The following RALYL variants were observed in gnomAD, a reference collection of about 807,000 sequenced individuals.
RALYL encodes RALY RNA binding protein like.
In RALYL, 29 loss-of-function variants were observed where a neutral mutation model predicts 35.1. The observed-to-expected ratio is 0.83, with a 90% CI of 0.61 to 1.13. The LOEUF (loss-of-function observed/expected upper bound fraction) is 1.13, where lower values mean the gene tolerates loss of function less well. Among genes scored for constraint, RALYL ranks in the 50% most tolerant of loss-of-function variants. RALYL has a pLI of 0.00. For synonymous variants in RALYL, 120 were observed against 127.6 expected (o/e 0.94, Z 0.40); for missense variants, 359 against 360.4 (o/e 1.00, Z 0.03).
intron 2 of RALYL, among the ~76,000 whole-genome samples, chr8:84,729,311 T>C (rs1845648617): frequency 1.3e-5 from 2 of 152,108 alleles, no homozygotes; most frequent in Non-Finnish European, 2.9e-5. Flanking sequence ...TTGTGATTTT[T>C]GTACACTGAT....
At chr8:84,738,140 T>C (rs73300117) in intron 2 of RALYL, among the ~76,000 whole-genome samples, 3,128 of 152,116 alleles carry the variant, frequency 0.021, 121 homozygotes, top group African/African-American at 0.071. Flanking sequence ...CACAGGGCTA[T>C]GGGAGCCAAA....
chr8:84,374,655 GAT>G (rs1352308871), intron 1 of RALYL, among the ~76,000 whole-genome samples: 3 of 151,802 alleles, frequency 2.0e-5, no homozygotes, highest in Non-Finnish European at 2.9e-5. Context: ...GGGACCTAAT[GAT>G]AAGAACTCAT....
chr8:84,616,613 A>C (rs1003795903), intron 2 of RALYL, among the ~76,000 whole-genome samples: 9 of 150,792 alleles, frequency 6.0e-5, no homozygotes, highest in East Asian at 2.0e-4. Flanking sequence ...CCCATTTGTC[A>C]ATTTTGGCTT....
intron 4 of RALYL, among the ~76,000 whole-genome samples, chr8:84,808,096 A>AT (rs1301175177): frequency 6.6e-6 from 1 of 152,016 alleles, no homozygotes; most frequent in African/African-American, 2.4e-5. Flanking sequence ...GTCTAGAAGC[A>AT]TTTTTCCAAT....
intron 2 of RALYL, among the ~76,000 whole-genome samples, chr8:84,723,826 C>T (rs1844441030): frequency 6.6e-6 from 1 of 151,730 alleles, no homozygotes; most frequent in Admixed American, 6.6e-5. Flanking sequence ...TCTATACTCA[C>T]CATTCCCCCA....
intron 1 of RALYL, among the ~76,000 whole-genome samples, chr8:84,408,787 A>G (rs2132128485): frequency 6.6e-6 from 1 of 152,294 alleles, no homozygotes. Context: ...TAGAACAACA[A>G]TGCTATATGT....
chr8:84,859,894 A>T (rs7837606), intron 5 of RALYL, among the ~76,000 whole-genome samples: 1 of 152,010 alleles, frequency 6.6e-6, no homozygotes, highest in Non-Finnish European at 1.5e-5. Context: ...CTTTGAAGTA[A>T]CTCACCAAAA....
At chr8:84,859,662 C>T (rs964836061) in intron 5 of RALYL, among the ~76,000 whole-genome samples, 1 of 151,960 alleles carries the variant, frequency 6.6e-6, no homozygotes, top group Admixed American at 6.6e-5. Context: ...CCAGGCTGGG[C>T]AATATGGCAA....
intron 1 of RALYL, among the ~76,000 whole-genome samples, chr8:84,390,888 G>T (rs913616536): frequency 6.6e-6 from 1 of 151,900 alleles, no homozygotes; most frequent in African/African-American, 2.4e-5. Flanking sequence ...CCAACATTAT[G>T]CATTCTGAAT....
At chr8:84,618,140 A>G (rs1820297433) in intron 2 of RALYL, among the ~76,000 whole-genome samples, 1 of 151,596 alleles carries the variant, frequency 6.6e-6, no homozygotes, top group Non-Finnish European at 1.5e-5. Flanking sequence ...CTCTTTTTCT[A>G]TTGATTGGAA....
intron 4 of RALYL, among the ~76,000 whole-genome samples, chr8:84,831,750 G>A (rs1184343195): frequency 6.6e-6 from 1 of 152,032 alleles, no homozygotes; most frequent in Admixed American, 6.6e-5. Context: ...ATGATTTAGG[G>A]ATAAAAATTG....
At chr8:84,339,689 C>CA (rs1353321674) in intron 1 of RALYL, among the ~76,000 whole-genome samples, 1 of 151,850 alleles carries the variant, frequency 6.6e-6, no homozygotes, top group South Asian at 2.1e-4. Context: ...GTCCCTGTTA[C>CA]AAAAAAGCTT....
At chr8:84,386,649 G>C (rs917266920) in intron 1 of RALYL, among the ~76,000 whole-genome samples, 4 of 151,784 alleles carry the variant, frequency 2.6e-5, no homozygotes, top group African/African-American at 9.7e-5. Context: ...AGAGCTTTCA[G>C]ACCCAAGTGC....
intron 2 of RALYL, among the ~76,000 whole-genome samples, chr8:84,612,813 C>T (rs1023959977): frequency 1.4e-4 from 21 of 151,540 alleles, no homozygotes; most frequent in Non-Finnish European, 2.7e-4. Flanking sequence ...GTTCAATATC[C>T]TTGGAACAAC....
chr8:84,640,742 C>T (rs911683290), intron 2 of RALYL, among the ~76,000 whole-genome samples: 1 of 151,894 alleles, frequency 6.6e-6, no homozygotes, highest in Non-Finnish European at 1.5e-5. Context: ...AAGCTAAAAA[C>T]AGTGTGACAC....
intron 1 of RALYL, among the ~76,000 whole-genome samples, chr8:84,508,352 G>A (rs982848850): frequency 2.0e-5 from 3 of 152,100 alleles, no homozygotes; most frequent in Non-Finnish European, 2.9e-5. Flanking sequence ...TGCTAAGTTA[G>A]GTCTTAGTTG....
intron 2 of RALYL, among the ~76,000 whole-genome samples, chr8:84,558,712 G>A (rs1279730082): frequency 6.6e-6 from 1 of 152,064 alleles, no homozygotes; most frequent in Non-Finnish European, 1.5e-5. Flanking sequence ...CGCTGGAGAG[G>A]AAAAGTTCTC....
At chr8:84,621,418 A>C (rs530896375) in intron 2 of RALYL, among the ~76,000 whole-genome samples, 80 of 152,144 alleles carry the variant, frequency 5.3e-4, no homozygotes, top group African/African-American at 1.8e-3. Flanking sequence ...GACCCCTTGC[A>C]CTTCCGGAGT....
intron 2 of RALYL, among the ~76,000 whole-genome samples, chr8:84,563,536 T>G (rs968859986): frequency 9.9e-5 from 15 of 151,754 alleles, no homozygotes; most frequent in Admixed American, 9.9e-4. Context: ...GAGCCTTTAG[T>G]GTAAGCAAAG....
Sources: allele counts gnomAD v4.1 joint callset (sites outside exome capture counted in the v4.1 genomes callset), GRCh38; gene constraint gnomAD v4.1.1; transcripts MANE v1.5; gene names NCBI Gene and HGNC (gene_info 2026-07-23, HGNC 2026-07-21).